FBXO34: variants seen among roughly 807,000 people sequenced by gnomAD.
FBXO34 encodes F-box only protein 34.
A neutral mutation model predicts 24.5 loss-of-function variants in FBXO34; 12 were observed. That is an observed-to-expected ratio of 0.49 (90% CI 0.31 to 0.79). FBXO34 has a LOEUF of 0.79. Ranked by LOEUF, FBXO34 falls within the 30% of genes least tolerant of loss-of-function variation. FBXO34 has a pLI of 0.04. For missense variants in FBXO34, 823 were observed against 857.7 expected (o/e 0.96, Z 0.51); for synonymous variants, 320 against 311.9 (o/e 1.03, Z -0.27).
At chr14:55,407,799 A>C in the FBXO34 span, among the ~76,000 whole-genome samples, 1 of 152,206 alleles carries the variant, frequency 6.6e-6, no homozygotes, top group Non-Finnish European at 1.5e-5. Flanking sequence ...ATAGGGGAAA[A>C]GATGGAGGTG....
downstream of FBXO34, chr14:55,369,006 GA>G (rs1240486894): frequency 1.3e-5 from 2 of 152,410 alleles, no homozygotes; most frequent in Non-Finnish European, 2.9e-5. Flanking sequence ...GTGTGTGGGG[GA>G]AAGAAAAACA....
At chr14:55,363,682 G>A (rs1884623442), downstream of FBXO34, among the ~76,000 whole-genome samples, 1 of 152,064 alleles carries the variant, frequency 6.6e-6, no homozygotes, top group Admixed American at 6.5e-5. Context: ...AGCTGCATGC[G>A]GCCCAGGATG....
the FBXO34 span, among the ~76,000 whole-genome samples, chr14:55,406,649 G>A: frequency 6.6e-6 from 1 of 152,138 alleles, no homozygotes; most frequent in Admixed American, 6.5e-5. Context: ...TTAGAACAAT[G>A]GTCCTGGGTC....
chr14:55,353,678 A>G (rs1267814938), downstream of FBXO34: 1 of 166,652 alleles, frequency 6.0e-6, no homozygotes, highest in African/African-American at 2.4e-5. Context: ...TGTGAATTGA[A>G]TCATAAGAAT....
intron 1 of FBXO34, among the ~76,000 whole-genome samples, chr14:55,301,104 A>T (rs1354067187): frequency 2.6e-5 from 4 of 152,230 alleles, no homozygotes; most frequent in Admixed American, 2.6e-4. Flanking sequence ...CTTTTCATAG[A>T]ACGAACAAGA....
the FBXO34 span, among the ~76,000 whole-genome samples, chr14:55,393,677 T>C: frequency 6.6e-6 from 1 of 152,010 alleles, no homozygotes; most frequent in East Asian, 1.9e-4. Context: ...CCCAAGTAGC[T>C]GGGACTACAG....
intron 1 of FBXO34, among the ~76,000 whole-genome samples, chr14:55,306,254 A>G (rs746941812): frequency 3.7e-4 from 56 of 152,334 alleles, no homozygotes; most frequent in Non-Finnish European, 7.1e-4. Context: ...ATGAGAGAGT[A>G]ATTTGTTTCC....
chr14:55,286,948 G>T (rs1457319069), intron 1 of FBXO34, among the ~76,000 whole-genome samples: 2 of 124,846 alleles, frequency 1.6e-5, no homozygotes, highest in Middle Eastern at 6.2e-3. Flanking sequence ...TCGCTTTTTC[G>T]CCCAGGCTGG....
At chr14:55,302,591 C>G (rs572591768) in intron 1 of FBXO34, among the ~76,000 whole-genome samples, 1 of 151,524 alleles carries the variant, frequency 6.6e-6, no homozygotes, top group Non-Finnish European at 1.5e-5. Context: ...GCACTTGGCC[C>G]GTATTATCTT....
At chr14:55,369,617 C>CT (rs1566575772), downstream of FBXO34, 1 of 1,511,314 alleles carries the variant, frequency 6.6e-7, no homozygotes, top group Non-Finnish European at 8.9e-7. Context: ...GGTCCATGCT[C>CT]GTTAACGGTG....
downstream of FBXO34, among the ~76,000 whole-genome samples, chr14:55,372,863 T>C (rs2140119788): frequency 6.6e-6 from 1 of 152,304 alleles, no homozygotes; most frequent in East Asian, 1.9e-4. Flanking sequence ...TCCGGTTCTC[T>C]GCGTGGAGAA....
At chr14:55,320,152 A>G (rs1054988517) in intron 1 of FBXO34, among the ~76,000 whole-genome samples, 1 of 152,240 alleles carries the variant, frequency 6.6e-6, no homozygotes, top group Non-Finnish European at 1.5e-5. Context: ...GCAGACCTGC[A>G]TCTACCTTGG....
At chr14:55,275,613 G>A (rs1180936507) in intron 1 of FBXO34, among the ~76,000 whole-genome samples, 1 of 150,464 alleles carries the variant, frequency 6.6e-6, no homozygotes, top group African/African-American at 2.5e-5. Context: ...AGGAGATTGA[G>A]ACCATCTTGG....
the FBXO34 span, among the ~76,000 whole-genome samples, chr14:55,392,150 A>G: frequency 6.6e-6 from 1 of 152,158 alleles, no homozygotes; most frequent in Non-Finnish European, 1.5e-5. Flanking sequence ...GATCCCTCGC[A>G]TGTGCAGTCC....
At chr14:55,427,524 A>G in the FBXO34 span, among the ~76,000 whole-genome samples, 3 of 152,204 alleles carry the variant, frequency 2.0e-5, no homozygotes, top group Non-Finnish European at 4.4e-5. Flanking sequence ...CCAAGAGAAG[A>G]TAAGGCGTTG....
the FBXO34 span, among the ~76,000 whole-genome samples, chr14:55,423,669 A>G: frequency 0.029 from 4,462 of 152,350 alleles, 118 homozygotes; most frequent in Non-Finnish European, 0.033. Context: ...TTATGTCACG[A>G]TATGAAATTC....
At chr14:55,318,325 T>C in intron 1 of FBXO34, 1 of 110,724 alleles carries the variant, frequency 9.0e-6, no homozygotes, top group African/African-American at 3.7e-5. Context: ...CCCTGTTGGT[T>C]TGCAAGTCAT....
At chr14:55,354,913 T>C (rs1213704037), downstream of FBXO34, among the ~76,000 whole-genome samples, 1 of 152,150 alleles carries the variant, frequency 6.6e-6, no homozygotes, top group African/African-American at 2.4e-5. Flanking sequence ...AGAAAGGACA[T>C]GATAGTGTGT....
At chr14:55,299,099 C>T (rs1189374611) in intron 1 of FBXO34, 2 of 1,393,036 alleles carry the variant, frequency 1.4e-6, no homozygotes, top group African/African-American at 1.4e-5. Context: ...AGGATGAGCT[C>T]ATGGCGGAAT....
Sources: gnomAD v4.1 joint callset for allele counts (sites outside exome capture counted in the v4.1 genomes callset) on GRCh38, gnomAD v4.1.1 for gene constraint, MANE v1.5 for transcripts, NCBI Gene and HGNC (gene_info 2026-07-23, HGNC 2026-07-21) for gene names.